CHDH: variants seen among roughly 807,000 people sequenced by gnomAD.
The protein encoded by CHDH is choline dehydrogenase.
A neutral mutation model predicts 56.9 loss-of-function variants in CHDH; 43 were observed. The ratio of observed to expected loss-of-function variants is 0.76; its 90% CI spans 0.59 to 0.97. The LOEUF is 0.97. CHDH is among the 50% of genes least tolerant of loss of function. The pLI, the probability that CHDH is intolerant of heterozygous loss-of-function variation, is 0.00. For synonymous variants in CHDH, 364 were observed against 348.5 expected (o/e 1.04, Z -0.50); for missense variants, 816 against 821.1 (o/e 0.99, Z 0.08).
Position 53,822,652 on chromosome 3 carries a change from G to A in CHDH, c.704-10C>T. ...GCGCTCCACCGTTTGCCTGCAGGATGGAGTGAGGTGGTCAGGCATGGCTCC... is the reference window on the plus strand; with the variant it reads ...GCGCTCCACCGTTTGCCTGCAGGATAGAGTGAGGTGGTCAGGCATGGCTCC... On this transcript the variant is annotated splice_polypyrimidine_tract_variant and intron_variant, in intron 3 of 8. Coordinates refer to ENST00000315251, the MANE Select transcript of CHDH (RefSeq NM_018397.5). 6.2e-7 allele frequency: 1 copy of A among 1,604,592 alleles called. No homozygotes were observed. The highest frequency in any genetic ancestry group is 1.1e-5 in the South Asian group (1 of 90,986).
chr3:53,844,154 G>C (rs933989914), intron 1 of CHDH, among the ~76,000 whole-genome samples: 10 of 152,274 alleles, frequency 6.6e-5, no homozygotes, highest in African/African-American at 2.4e-4. Context: ...GCCCCAGGGG[G>C]CCAGGGCAGT....
rs1004382520 is a variant in CHDH at position 53,844,113 on chromosome 3, G to A, written c.-131+1970C>T. 8.5e-5 allele frequency among the ~76,000 whole-genome samples: 13 copies of A among 152,274 alleles called. No homozygotes were observed. The South Asian group carries it at 2.1e-3, about 24-fold the overall frequency. ...TCCTCCACTCCACAGCCCCAACTAC[G>A]AAACTGAACCAGGTATCACCCCATC... On this transcript the variant is annotated intron_variant, in intron 1 of 8. Coordinates refer to ENST00000315251, the MANE Select transcript of CHDH (RefSeq NM_018397.5).
rs2095613908 is a variant in CHDH, at chr3:53,815,306, T to C, written c.*2471A>G. 1 of 152,268 alleles carries C rather than the reference T, an allele frequency of 6.6e-6. No individual in the cohort carries two copies. Among genetic ancestry groups the C allele is most frequent in the Non-Finnish European group, 1.5e-5 (1 of 68,052 alleles). The allele number at this position is 152,268 out of a possible 1,614,324, so 9.4% of individuals were successfully genotyped here. On this transcript the variant is annotated 3_prime_UTR_variant, in exon 9 of 9. Coordinates refer to ENST00000315251, the MANE Select transcript of CHDH (RefSeq NM_018397.5). The stretch of plus-strand genomic sequence containing the variant: ...CTTTTGGCCAAGGGGCCCAATTCCC[T>C]ATGAGACTGAAGATGGGGGGGTACC...
At chr3:53,824,406 G>A (rs1013053508) in intron 2 of CHDH, among the ~76,000 whole-genome samples, 1 of 152,238 alleles carries the variant, frequency 6.6e-6, no homozygotes, top group African/African-American at 2.4e-5. Flanking sequence ...AGAAAACAGA[G>A]TATTTGTACT....
chr3:53,817,935 C>T lies in CHDH; in HGVS notation c.1627G>A (p.Val543Ile), dbSNP rs764094831. 7.4e-6 allele frequency: 12 copies of T among 1,614,084 alleles called. No homozygotes were observed. The highest frequency in any genetic ancestry group is 1.1e-5 in the South Asian group (1 of 91,092). Residue 543 changes from valine to isoleucine, a missense_variant, in exon 9 of 9, where the codon GTC becomes ATC. Val to Ile is a conservative substitution (Grantham distance 29). Transcript: ENST00000315251. ...RVLGVENLRV[V>I]DASIMPSMVS... is the part of the protein sequence containing the mutation. Reference sequence around the variant, plus strand: ...ATGCTAGGCATGATGGAGGCATCGACGACCCTGAGGTTTTCCACCCCGAGG... The same window carrying T: ...ATGCTAGGCATGATGGAGGCATCGATGACCCTGAGGTTTTCCACCCCGAGG...
chr3:53,812,409 A>C lies in CHDH; in HGVS notation c.*5368T>G, dbSNP rs1268962640. 1 of 152,246 alleles carries C rather than the reference A, an allele frequency of 6.6e-6. No homozygotes were observed. The highest frequency in any genetic ancestry group is 2.4e-5 in the African/African-American group (1 of 41,470). The allele number at this position is 152,246 out of a possible 1,614,324, so 9.4% of individuals were successfully genotyped here. A position where few individuals can be genotyped will look rare whatever the true frequency, so the allele number is the denominator to read the frequency against. ...TAAGTTTGAAAGAACTTGACACTACAGAAATTTTTCTAAAATATTTTGAGT... is the reference window on the plus strand; with the variant it reads ...TAAGTTTGAAAGAACTTGACACTACCGAAATTTTTCTAAAATATTTTGAGT... On this transcript the variant is annotated 3_prime_UTR_variant, in exon 9 of 9. Coordinates refer to ENST00000315251, the MANE Select transcript of CHDH (RefSeq NM_018397.5).
In CHDH at chr3:53,823,709, G is replaced by C; in HGVS notation, c.300C>G (p.Asp100Glu). Residue 100 changes from aspartate (D) to glutamate (E), a missense_variant, in exon 3 of 9, where the codon GAC (aspartate) becomes GAG (glutamate). Transcript: ENST00000315251. Reference protein sequence around the residue: ...MPAALVANLCDDRYNWCYHTE... With the variant: ...MPAALVANLCEDRYNWCYHTE... ...TGTGGTAGCACCAGTTGTACCTGTC[G>C]TCGCACAGGTTGGCCACCAGGGCCG... 6.4e-7 allele frequency: 1 copy of C among 1,550,788 alleles called. No individual in the cohort carries two copies. The highest frequency in any genetic ancestry group is 8.7e-7 in the Non-Finnish European group (1 of 1,148,084).
intron 4 of CHDH, among the ~76,000 whole-genome samples, chr3:53,822,221 T>C (rs1362908669): frequency 6.6e-6 from 1 of 152,030 alleles, no homozygotes; most frequent in Non-Finnish European, 1.5e-5. Context: ...ATCGGTGCCT[T>C]GAAATGGTGT....
At chr3:53,832,715 T>A (rs1698376631) in intron 2 of CHDH, among the ~76,000 whole-genome samples, 1 of 152,152 alleles carries the variant, frequency 6.6e-6, no homozygotes, top group Admixed American at 6.6e-5. Context: ...AAATATTGTA[T>A]GATTCTATGG....
At chr3:53,824,286 C>T (rs1237547490) in intron 2 of CHDH, among the ~76,000 whole-genome samples, 1 of 152,224 alleles carries the variant, frequency 6.6e-6, no homozygotes, top group Non-Finnish European at 1.5e-5. Context: ...AAAGGCCCCT[C>T]CCCCAACTGA....
At chr3:53,825,527 G>A (rs978223624) in intron 2 of CHDH, among the ~76,000 whole-genome samples, 3 of 152,046 alleles carry the variant, frequency 2.0e-5, no homozygotes, top group African/African-American at 7.3e-5. Flanking sequence ...ATATAAAGAG[G>A]GGAAGAGAGA....
chr3:53,821,814 A>G, intron 4 of CHDH, 38 bp from the exon 5 acceptor site: 2 of 1,609,166 alleles, frequency 1.2e-6, no homozygotes, highest in Non-Finnish European at 1.7e-6. Context: ...CTGAAAAGCC[A>G]GCTGTTCTCC....
At chr3:53,833,280 C>T (rs980333711) in intron 2 of CHDH, among the ~76,000 whole-genome samples, 1 of 152,210 alleles carries the variant, frequency 6.6e-6, no homozygotes, top group African/African-American at 2.4e-5. Context: ...TTCCGGGTCC[C>T]AATCATTTGA....
chr3:53,834,465 C>G (rs1409233343), intron 2 of CHDH, among the ~76,000 whole-genome samples: 4 of 152,090 alleles, frequency 2.6e-5, no homozygotes, highest in Non-Finnish European at 1.5e-5. Context: ...AAAAAAGGAG[C>G]CAAAGACTGC....
At chr3:53,830,592 C>T (rs1046240458) in intron 2 of CHDH, among the ~76,000 whole-genome samples, 2 of 152,046 alleles carry the variant, frequency 1.3e-5, no homozygotes, top group Non-Finnish European at 2.9e-5. Flanking sequence ...TGGACAGAAG[C>T]TAGACAGAAG....
chr3:53,839,394 TGA>T, intron 2 of CHDH, among the ~76,000 whole-genome samples: 1 of 152,188 alleles, frequency 6.6e-6, no homozygotes, highest in South Asian at 2.1e-4. Context: ...AATGGATAAA[TGA>T]GAGAGAGATG....
Position 53,816,546 on chromosome 3 carries a change from C to G in CHDH, c.*1231G>C, listed in dbSNP as rs1339504194. The G allele has an allele frequency of 6.6e-6, 1 of 152,190 alleles. No individual in the cohort carries two copies. The highest frequency in any genetic ancestry group is 1.5e-5 in the Non-Finnish European group (1 of 68,048). 9.4% of individuals were successfully genotyped at this position (152,190 alleles called of 1,614,324 possible). A position where few individuals can be genotyped will look rare whatever the true frequency, so the allele number is the denominator to read the frequency against. ...GGCTGTGCTTAACTGTGTTTTCCAT[C>G]CTAGTCTGTTCCTGTGGACGTCTAC... On this transcript the variant is annotated 3_prime_UTR_variant, in exon 9 of 9. Coordinates refer to ENST00000315251, the MANE Select transcript of CHDH (RefSeq NM_018397.5).
At position 53,817,677 on chromosome 3, in the gene CHDH, T is replaced by C. The variant is rs1276260285; in HGVS notation, c.*100A>G. 6 of 987,796 alleles carry C rather than the reference T, an allele frequency of 6.1e-6. No homozygotes were observed. Among genetic ancestry groups the C allele is most frequent in the Non-Finnish European group, 8.8e-6 (6 of 679,350 alleles). 61.2% of individuals were successfully genotyped at this position (987,796 alleles called of 1,614,324 possible). A position where few individuals can be genotyped will look rare whatever the true frequency, so the allele number is the denominator to read the frequency against. On this transcript the variant is annotated 3_prime_UTR_variant, in exon 9 of 9. Coordinates refer to ENST00000315251, the MANE Select transcript of CHDH (RefSeq NM_018397.5). Reference sequence around the variant, plus strand: ...GAGTAGGGTACCACCTGGGTCCTAGTGTGCTAGATAGTTTCAGGCAGGAGC... The same window carrying C: ...GAGTAGGGTACCACCTGGGTCCTAGCGTGCTAGATAGTTTCAGGCAGGAGC...
chr3:53,822,361 C>T, intron 4 of CHDH, 130 bp downstream of exon 4: 4 of 854,460 alleles, frequency 4.7e-6, no homozygotes, highest in South Asian at 1.8e-5. Context: ...CTACTCGCCC[C>T]TCCCCCCGCC....
Sources: allele counts gnomAD v4.1 joint callset (sites outside exome capture counted in the v4.1 genomes callset), GRCh38; gene constraint gnomAD v4.1.1; transcripts MANE v1.5; gene names NCBI Gene and HGNC (gene_info 2026-07-23, HGNC 2026-07-21).